The following AGBL4 variants were observed in gnomAD, a reference collection of about 807,000 sequenced individuals.
AGBL4 encodes cytosolic carboxypeptidase 6.
In AGBL4, 58 loss-of-function variants were observed where a neutral mutation model predicts 66.4. The ratio of observed to expected loss-of-function variants is 0.87; its 90% CI spans 0.71 to 1.09. AGBL4 has a LOEUF of 1.09. AGBL4 is among the 50% of genes least tolerant of loss of function. The probability of loss-of-function intolerance (pLI) is 0.00; values close to 1 mark genes in which losing one functional copy is unlikely to be tolerated. For synonymous variants in AGBL4, 234 were observed against 222.9 expected, an observed-to-expected ratio of 1.05 and a Z score of -0.44; for missense variants, 579 against 631.0, an observed-to-expected ratio of 0.92 and a Z score of 0.88.
intron 6 of AGBL4, among the ~76,000 whole-genome samples, chr1:48,847,367 G>A (rs1291708542): frequency 6.8e-6 from 1 of 146,936 alleles, no homozygotes; most frequent in Non-Finnish European, 1.5e-5. Flanking sequence ...TGAAACCAAG[G>A]TCAAAGAAGG....
intron 3 of AGBL4, among the ~76,000 whole-genome samples, chr1:49,286,993 C>G (rs372393506): frequency 1.3e-5 from 2 of 151,736 alleles, no homozygotes; most frequent in African/African-American, 4.8e-5. Flanking sequence ...CAAAACAGCA[C>G]GGTACTGGTA....
intron 3 of AGBL4, among the ~76,000 whole-genome samples, chr1:49,656,984 A>C (rs1289064928): frequency 6.6e-6 from 1 of 152,192 alleles, no homozygotes; most frequent in Non-Finnish European, 1.5e-5. Flanking sequence ...CCTATTCAAC[A>C]TAGTGTTGGA....
chr1:48,629,495 C>T (rs1475201585), intron 9 of AGBL4, among the ~76,000 whole-genome samples: 1 of 152,118 alleles, frequency 6.6e-6, no homozygotes, highest in Non-Finnish European at 1.5e-5. Context: ...GATATCTTTA[C>T]CACCACTAAA....
intron 3 of AGBL4, among the ~76,000 whole-genome samples, chr1:49,442,596 G>C (rs1419947866): frequency 6.6e-6 from 1 of 152,138 alleles, no homozygotes; most frequent in Non-Finnish European, 1.5e-5. Flanking sequence ...CACGCTTTTT[G>C]ATGTCTGAAT....
At chr1:48,744,397 T>C (rs1650408649) in intron 6 of AGBL4, among the ~76,000 whole-genome samples, 1 of 152,252 alleles carries the variant, frequency 6.6e-6, no homozygotes, top group Non-Finnish European at 1.5e-5. Context: ...GTGGAGCATT[T>C]GATCTTTTCT....
At chr1:49,622,390 G>A (rs899337670) in intron 3 of AGBL4, among the ~76,000 whole-genome samples, 3 of 152,006 alleles carry the variant, frequency 2.0e-5, no homozygotes, top group African/African-American at 7.2e-5. Context: ...AGCACTTTGG[G>A]AGGCCGAGGC....
chr1:49,638,421 A>C (rs1385046635), intron 3 of AGBL4, among the ~76,000 whole-genome samples: 1 of 152,202 alleles, frequency 6.6e-6, no homozygotes, highest in Non-Finnish European at 1.5e-5. Flanking sequence ...TATTACTTTT[A>C]CAAGAAAAAT....
intron 3 of AGBL4, among the ~76,000 whole-genome samples, chr1:49,464,449 A>G (rs1373511674): frequency 6.6e-6 from 1 of 151,804 alleles, no homozygotes; most frequent in Non-Finnish European, 1.5e-5. Flanking sequence ...AGCCTTTGTG[A>G]TATTTTGGAA....
At position 49,104,027 on chromosome 1, in the gene AGBL4, G is replaced by A. The variant is rs187160639; in HGVS notation, c.378-58227C>T. Among the ~76,000 whole-genome samples the A allele has an allele frequency of 2.6e-5, 4 of 152,214 alleles. No individual in the cohort carries two copies. In the South Asian group the frequency reaches 6.2e-4, roughly 24 times the overall value. ...CCGACTCATGTTCAGCCTATTTGGA[G>A]GTTCCTTACCAGGTTAGGAACATGC... On this transcript the variant is annotated intron_variant, in intron 4 of 13. Coordinates refer to ENST00000371839, the MANE Select transcript of AGBL4 (RefSeq NM_032785.4).
chr1:49,579,977 G>A (rs1022854188), intron 3 of AGBL4, among the ~76,000 whole-genome samples: 4 of 152,126 alleles, frequency 2.6e-5, no homozygotes, highest in Non-Finnish European at 4.4e-5. Context: ...TTTGTTTTAT[G>A]AATCTAAGTG....
chr1:48,553,346 G>T (rs1442075406), intron 11 of AGBL4, among the ~76,000 whole-genome samples: 2 of 152,118 alleles, frequency 1.3e-5, no homozygotes, highest in African/African-American at 2.4e-5. Context: ...GCTTCAACTG[G>T]ATGCACAGTT....
intron 4 of AGBL4, among the ~76,000 whole-genome samples, chr1:49,206,548 C>A (rs1410576925): frequency 6.6e-6 from 1 of 152,064 alleles, no homozygotes; most frequent in African/African-American, 2.4e-5. Context: ...TTCCCTGACA[C>A]TATCCTTATA....
At chr1:48,973,367 C>A (rs1336876883) in intron 5 of AGBL4, among the ~76,000 whole-genome samples, 1 of 152,106 alleles carries the variant, frequency 6.6e-6, no homozygotes, top group Non-Finnish European at 1.5e-5. Flanking sequence ...CTTCCAACTT[C>A]CTAATGAAAC....
intron 1 of AGBL4, among the ~76,000 whole-genome samples, chr1:49,915,068 G>T (rs1651258677): frequency 6.6e-6 from 1 of 152,150 alleles, no homozygotes; most frequent in Non-Finnish European, 1.5e-5. Flanking sequence ...AATTAAAAGA[G>T]GCTACTTAGG....
At chr1:49,715,841 C>G (rs879248141) in intron 2 of AGBL4, among the ~76,000 whole-genome samples, 1 of 152,080 alleles carries the variant, frequency 6.6e-6, no homozygotes, top group Non-Finnish European at 1.5e-5. Context: ...CTTGTAGATT[C>G]TGGATTTTGG....
chr1:49,168,069 C>T (rs1007178206), intron 4 of AGBL4, among the ~76,000 whole-genome samples: 3 of 152,124 alleles, frequency 2.0e-5, no homozygotes, highest in Admixed American at 6.5e-5. Flanking sequence ...TATGCAAATG[C>T]TATCCCATTT....
At chr1:49,126,778 A>T (rs1257717439) in intron 4 of AGBL4, among the ~76,000 whole-genome samples, 3 of 152,112 alleles carry the variant, frequency 2.0e-5, no homozygotes, top group African/African-American at 7.2e-5. Flanking sequence ...AAGATCATTT[A>T]CTCATCTGTT....
At chr1:48,889,404 G>C (rs1319463210) in intron 5 of AGBL4, among the ~76,000 whole-genome samples, 2 of 152,214 alleles carry the variant, frequency 1.3e-5, no homozygotes, top group African/African-American at 4.8e-5. Context: ...TTGGAAGGGA[G>C]GGGTATAGAC....
chr1:49,362,502 G>A (rs560198118), intron 3 of AGBL4, among the ~76,000 whole-genome samples: 3 of 146,442 alleles, frequency 2.0e-5, no homozygotes. Context: ...TCTGACTGAT[G>A]AGAGTCTGAG....
Sources: allele counts gnomAD v4.1 joint callset (sites outside exome capture counted in the v4.1 genomes callset), GRCh38; gene constraint gnomAD v4.1.1; transcripts MANE v1.5; gene names NCBI Gene and HGNC (gene_info 2026-07-23, HGNC 2026-07-21).